Variants in CLTA observed in about 807,000 individuals in gnomAD.
CLTA encodes the protein clathrin light chain A.
In CLTA, 9 loss-of-function variants were observed where a neutral mutation model predicts 26.9. The ratio of observed to expected loss-of-function variants is 0.33; its 90% CI spans 0.20 to 0.58. The LOEUF is 0.58. Ranked by LOEUF, CLTA falls within the 20% of genes least tolerant of loss-of-function variation. The pLI is 0.85. For missense variants in CLTA, 278 were observed against 294.2 expected (o/e 0.94, Z 0.40); for synonymous variants, 120 against 115.5 (o/e 1.04, Z -0.25).
At chr9:36,211,407 G>A (rs563827518) in intron 4 of CLTA, 196 bp from the exon 5 acceptor site, 89 of 176,744 alleles carry the variant, frequency 5.0e-4, no homozygotes, top group Admixed American at 1.7e-3. Flanking sequence ...TTTACACAGC[G>A]GTCTGGGCAC....
In CLTA at chr9:36,191,208, C is replaced by G. The variant is rs1224331668; in HGVS notation, c.152C>G (p.Ala51Gly). ...ATTGCGGGCATCGAGAACGACGAGG[C>G]CTTCGCCATCCTGGACGGCGGCGCC... The part of the protein sequence containing the change: ...SEIAGIENDE[A>G]FAILDGGAPG... Residue 51 changes from alanine (A) to glycine (G), a missense_variant, in exon 1 of 5, where the codon GCC becomes GGC. Physicochemically the swap from Ala to Gly is moderately conservative, Grantham distance 60. Coordinates refer to ENST00000345519, the MANE Select transcript of CLTA (RefSeq NM_001833.4). 1 of 1,562,872 alleles carries G rather than the reference C, an allele frequency of 6.4e-7. No individual in the cohort carries two copies.
intron 3 of CLTA, among the ~76,000 whole-genome samples, chr9:36,200,507 C>G (rs942710040): frequency 4.6e-5 from 7 of 152,178 alleles, no homozygotes; most frequent in African/African-American, 1.7e-4. Flanking sequence ...AAACATGAGT[C>G]CTTATTTTTC....
At position 36,210,944 on chromosome 9, in the gene CLTA, A is replaced by AT. The variant is rs1379877857; in HGVS notation, c.486-658dup. On this transcript the variant is annotated intron_variant, in intron 4 of 4. Coordinates refer to ENST00000345519, the MANE Select transcript of CLTA (RefSeq NM_001833.4). ...TGATGTGAAAGAATGTTGGAGCAGC[A>AT]TCCTGCCAAAAAGCAACTCACGTTG... 4.6e-5 allele frequency among the ~76,000 whole-genome samples: 7 copies of AT among 152,230 alleles called. No homozygotes were observed. The South Asian group carries it at 1.4e-3, about 31-fold the overall frequency.
At chr9:36,210,493 C>A (rs571703390) in intron 4 of CLTA, 155 of 1,448,088 alleles carry the variant, frequency 1.1e-4, no homozygotes, top group Non-Finnish European at 1.4e-4. Context: ...GCAAAGCCAG[C>A]TGCACGTCCC....
chr9:36,206,050 G>A (rs567506118), intron 4 of CLTA, among the ~76,000 whole-genome samples: 2 of 152,084 alleles, frequency 1.3e-5, no homozygotes, highest in Admixed American at 6.5e-5. Flanking sequence ...GTGAGCCACC[G>A]CGCCTGGCCA....
intron 4 of CLTA, among the ~76,000 whole-genome samples, chr9:36,206,224 T>C (rs1327002195): frequency 3.3e-5 from 5 of 152,152 alleles, no homozygotes; most frequent in African/African-American, 1.2e-4. Flanking sequence ...CACTGCTCAC[T>C]GAGAATGTAG....
Position 36,190,937 on chromosome 9 carries a change from C to G in CLTA, c.-120C>G, listed in dbSNP as rs1563902239. On this transcript the variant is annotated 5_prime_UTR_variant, in exon 1 of 5. Coordinates refer to ENST00000345519, the MANE Select transcript of CLTA (RefSeq NM_001833.4). ...GTAGGGCTTCCGCTTTACCCGTCTC[C>G]CTCCTGGCGCTTGTCCTCCTCTCCC... 2.1e-6 allele frequency: 3 copies of G among 1,418,694 alleles called. No homozygotes were observed. The highest frequency in any genetic ancestry group is 2.7e-6 in the Non-Finnish European group (3 of 1,092,966). The allele number at this position is 1,418,694 out of a possible 1,614,324, so 87.9% of individuals were successfully genotyped here.
intron 1 of CLTA, among the ~76,000 whole-genome samples, chr9:36,194,577 G>A (rs938321110): frequency 3.9e-5 from 6 of 152,208 alleles, no homozygotes; most frequent in Admixed American, 3.9e-4. Flanking sequence ...GTGTCACTAA[G>A]GTAGCAAGGT....
At chr9:36,205,149 ACT>A (rs1408107291) in intron 4 of CLTA, among the ~76,000 whole-genome samples, 1 of 151,798 alleles carries the variant, frequency 6.6e-6, no homozygotes, top group East Asian at 1.9e-4. Flanking sequence ...GAGCAGTTGG[ACT>A]CTCTTTTATA....
intron 3 of CLTA, among the ~76,000 whole-genome samples, chr9:36,200,191 TTC>T (rs1319500538): frequency 6.6e-5 from 10 of 152,316 alleles, no homozygotes; most frequent in African/African-American, 2.4e-4. Flanking sequence ...TCTTTGTTTT[TTC>T]TTTTTCTTTT....
chr9:36,199,143 T>C (rs1827249790), intron 3 of CLTA, 47 bp downstream of exon 3: 2 of 1,196,574 alleles, frequency 1.7e-6, no homozygotes, highest in Non-Finnish European at 1.3e-6. Context: ...AGTGGAGTAG[T>C]TGAGCTGGAC....
In CLTA at chr9:36,211,959, A is replaced by T. The variant is rs1161214247; in HGVS notation, c.*185A>T. The T allele has an allele frequency of 1.4e-6, 1 of 707,960 alleles. No individual in the cohort carries two copies. The highest frequency in any genetic ancestry group is 2.7e-5 in the East Asian group (1 of 36,960). The allele number at this position is 707,960 out of a possible 1,614,324, so 43.9% of individuals were successfully genotyped here. On this transcript the variant is annotated 3_prime_UTR_variant, in exon 5 of 5. Transcript: ENST00000345519. ...GTGTTCTCCCTGGCATTCAGAGAGGAGGGAGAGGAGGAAGAGGAAGGGGAG... is the reference window on the plus strand; with the variant it reads ...GTGTTCTCCCTGGCATTCAGAGAGGTGGGAGAGGAGGAAGAGGAAGGGGAG...
chr9:36,195,809 A>C (rs1173297985), intron 1 of CLTA, among the ~76,000 whole-genome samples: 2 of 151,376 alleles, frequency 1.3e-5, no homozygotes, highest in Non-Finnish European at 2.9e-5. Context: ...TCTACTAAAA[A>C]ATACAAAAAT....
Position 36,191,167 on chromosome 9 carries a change from G to T in CLTA, c.111G>T (p.Ala37=). ...GEEDPAAAFL[A]QQESEIAGIE... ...AAGACCCGGCTGCGGCCTTCTTGGC[G>T]CAGCAAGAGAGCGAGATTGCGGGCA... Residue 37 remains alanine, a synonymous_variant, in exon 1 of 5, where the codon GCG becomes GCT. Transcript: ENST00000345519. 1 of 1,596,328 alleles carries T rather than the reference G, an allele frequency of 6.3e-7. No homozygotes were observed. Among genetic ancestry groups the T allele is most frequent in the Non-Finnish European group, 8.5e-7 (1 of 1,173,756 alleles).
intron 3 of CLTA, among the ~76,000 whole-genome samples, chr9:36,203,829 A>G (rs1241206454): frequency 2.0e-5 from 3 of 152,236 alleles, no homozygotes; most frequent in African/African-American, 7.2e-5. Flanking sequence ...GTGGACTGGG[A>G]TAAGACCAGG....
intron 4 of CLTA, among the ~76,000 whole-genome samples, chr9:36,206,240 C>T (rs1226580840): frequency 6.6e-6 from 1 of 152,160 alleles, no homozygotes; most frequent in East Asian, 1.9e-4. Flanking sequence ...TGTAGAGCTG[C>T]TTAGGAAGCA....
rs1367768927 is a variant in CLTA, at chr9:36,211,740, T to C, written c.623T>C (p.Leu208Pro). ...AKDVSRMRSV[L>P]ISLKQAPLVH ...GATGTCTCCCGCATGCGCTCAGTCC[T>C]CATCTCCCTCAAGCAGGCCCCGCTG... Residue 208 changes from leucine to proline, a missense_variant, in exon 5 of 5, where the codon CTC (leucine) becomes CCC (proline). Leu to Pro is a moderately conservative substitution (Grantham distance 98). Transcript: ENST00000345519. 1 of 1,613,464 alleles carries C rather than the reference T, an allele frequency of 6.2e-7. No homozygotes were observed. The highest frequency in any genetic ancestry group is 2.2e-5 in the East Asian group (1 of 44,860).
chr9:36,194,858 G>A (rs555103447), intron 1 of CLTA, among the ~76,000 whole-genome samples: 3 of 152,238 alleles, frequency 2.0e-5, no homozygotes. Flanking sequence ...GTTGATTCTT[G>A]TAAGAATGTT....
At chr9:36,208,892 T>G (rs977174044) in intron 4 of CLTA, among the ~76,000 whole-genome samples, 1 of 152,244 alleles carries the variant, frequency 6.6e-6, no homozygotes, top group African/African-American at 2.4e-5. Flanking sequence ...TTACCTCATC[T>G]GTACAGTGGG....
Sources: allele counts gnomAD v4.1 joint callset (sites outside exome capture counted in the v4.1 genomes callset), GRCh38; gene constraint gnomAD v4.1.1; transcripts MANE v1.5; gene names NCBI Gene and HGNC (gene_info 2026-07-23, HGNC 2026-07-21).